BTN3A3: variants seen among roughly 807,000 people sequenced by gnomAD.
BTN3A3 encodes butyrophilin subfamily 3 member A3.
In BTN3A3, 39 loss-of-function variants were observed where a neutral mutation model predicts 43.2. The ratio of observed to expected loss-of-function variants is 0.90; its 90% confidence interval spans 0.70 to 1.18. BTN3A3 has a LOEUF of 1.18. Among genes scored for constraint, BTN3A3 ranks in the 50% most tolerant of loss-of-function variants. BTN3A3 has a pLI of 0.00. For synonymous variants in BTN3A3, 255 were observed against 272.7 expected (o/e 0.93, Z 0.64); for missense variants, 631 against 722.8 (o/e 0.87, Z 1.46).
chr6:26,452,294 GC>G lies in BTN3A3; in HGVS notation c.1640del (p.Pro547LeufsTer5). 6.2e-7 allele frequency: 1 copy of G among 1,614,038 alleles called. No homozygotes were observed. The highest frequency in any genetic ancestry group is 8.5e-7 in the Non-Finnish European group (1 of 1,180,020). On this transcript the variant is annotated frameshift_variant, in exon 11 of 11. Coordinates refer to ENST00000244519, the MANE Select transcript of BTN3A3 (RefSeq NM_006994.5). LOFTEE classifies it low-confidence loss of function (END_TRUNC). ...TPGLANESGE[P>X]QAEVTSLLLP... ...CGGGCTTAGCTAATGAAAGTGGGGA[GC>G]CTCAGGCTGAAGTAACATCTCTGCT...
Position 26,452,591 on chromosome 6 carries a change from A to C in BTN3A3, c.*180A>C. ...TAACTAACATTAACAGAGAATTTAA[A>C]ATGTTCTTAGTGCTGTGTTATAAGC... On this transcript the variant is annotated 3_prime_UTR_variant, in exon 11 of 11. Transcript: ENST00000244519. 1.6e-6 allele frequency: 1 copy of C among 612,054 alleles called. No individual in the cohort carries two copies. Among genetic ancestry groups the C allele is most frequent in the Admixed American group, 3.2e-5 (1 of 31,252 alleles). The allele number at this position is 612,054 out of a possible 1,614,324, so 37.9% of individuals were successfully genotyped here. A position where few individuals can be genotyped will look rare whatever the true frequency, so the allele number is the denominator to read the frequency against.
intron 4 of BTN3A3, chr6:26,444,540 T>C: frequency 1.5e-6 from 1 of 666,072 alleles, no homozygotes; most frequent in Non-Finnish European, 2.5e-6. Flanking sequence ...CAACCAGAGA[T>C]ATAAGGGAAA....
At chr6:26,451,607 G>A (rs1261047131) in intron 10 of BTN3A3, 68 bp from the exon 11 acceptor site, 1 of 1,556,986 alleles carries the variant, frequency 6.4e-7, no homozygotes, top group African/African-American at 1.4e-5. Flanking sequence ...TCCAGGCCTT[G>A]CATGCTGAGG....
At chr6:26,444,503 C>A in intron 4 of BTN3A3, 199 bp downstream of exon 4, 2 of 849,568 alleles carry the variant, frequency 2.4e-6, no homozygotes, top group Non-Finnish European at 3.6e-6. Flanking sequence ...ACCTTACATG[C>A]CGAAGTAAAC....
intron 3 of BTN3A3, 113 bp downstream of exon 3, chr6:26,443,772 C>T: frequency 6.7e-7 from 1 of 1,486,660 alleles, no homozygotes; most frequent in Admixed American, 1.9e-5. Context: ...TTAACTCATT[C>T]CCATACCTGG....
intron 9 of BTN3A3, among the ~76,000 whole-genome samples, chr6:26,449,896 A>G (rs770961596): frequency 2.2e-4 from 34 of 152,102 alleles, no homozygotes; most frequent in Non-Finnish European, 2.2e-4. Flanking sequence ...AAGCATAACC[A>G]TGCAGCCTGC....
Position 26,445,972 on chromosome 6 carries a change from C to T in BTN3A3, c.702C>T (p.Ser234=), listed in dbSNP as rs202187130. ...NSLLGLEKTA[S]ISIADPFFRS... ...TCCTCGGCCTGGAAAAGACAGCCAG[C>T]ATATCCATCGCAGGTCAGTACCCTG... is the stretch of plus-strand genomic sequence containing the variant. Residue 234 remains serine (S), a synonymous_variant, in exon 5 of 11, where the codon AGC becomes AGT. Transcript: ENST00000244519. The T allele has an allele frequency of 9.9e-6, 16 of 1,614,190 alleles. No individual in the cohort carries two copies. The East Asian group carries it at 3.1e-4, about 31-fold the overall frequency.
intron 5 of BTN3A3, among the ~76,000 whole-genome samples, chr6:26,447,297 T>G (rs958239754): frequency 6.6e-6 from 1 of 152,232 alleles, no homozygotes; most frequent in African/African-American, 2.4e-5. Context: ...AGTTCTTGAT[T>G]CTGTTATTTA....
Position 26,449,656 on chromosome 6 carries a change from T to C in BTN3A3, c.965-6T>C. On this transcript the variant is annotated splice_polypyrimidine_tract_variant and splice_region_variant and intron_variant, in intron 8 of 10. Transcript: ENST00000244519. The stretch of plus-strand genomic sequence containing the variant: ...AGGTGACACCTCTATCTTTCTTTCA[T>C]TGTAGGTGGAGAGAAGTCTTTGGCC... The C allele has an allele frequency of 6.2e-7, 1 of 1,614,150 alleles. No individual in the cohort carries two copies. Among genetic ancestry groups the C allele is most frequent in the Non-Finnish European group, 8.5e-7 (1 of 1,180,000 alleles).
chr6:26,442,692 C>T (rs1012055922), intron 1 of BTN3A3, among the ~76,000 whole-genome samples: 4 of 152,230 alleles, frequency 2.6e-5, no homozygotes, highest in Non-Finnish European at 2.9e-5. Flanking sequence ...AACAGTGCTG[C>T]AGTGTCATTC....
chr6:26,445,548 C>T (rs533758399), intron 4 of BTN3A3, 156 bp from the exon 5 acceptor site: 20 of 897,026 alleles, frequency 2.2e-5, no homozygotes, highest in Middle Eastern at 3.0e-4. Flanking sequence ...TGCACTAGCC[C>T]ATTTAGTTTT....
chr6:26,441,738 C>G (rs937939419), intron 1 of BTN3A3, among the ~76,000 whole-genome samples: 9 of 152,052 alleles, frequency 5.9e-5, no homozygotes, highest in African/African-American at 2.2e-4. Context: ...CATTATGTTA[C>G]CCAGGCTGTT....
intron 8 of BTN3A3, chr6:26,449,460 C>T (rs1581657755): frequency 1.6e-6 from 1 of 614,378 alleles, no homozygotes; most frequent in Non-Finnish European, 2.9e-6. Context: ...ACAGTGACTG[C>T]CCTGCCACTA....
chr6:26,446,751 G>T (rs767363096), intron 5 of BTN3A3, among the ~76,000 whole-genome samples: 4 of 152,064 alleles, frequency 2.6e-5, no homozygotes, highest in Non-Finnish European at 5.9e-5. Flanking sequence ...TTTTTTGAGA[G>T]GGAGTCTCAC....
intron 5 of BTN3A3, among the ~76,000 whole-genome samples, chr6:26,447,448 C>T (rs371456939): frequency 1.1e-4 from 16 of 151,380 alleles, no homozygotes; most frequent in African/African-American, 3.2e-4. Context: ...CTGCAAGCCC[C>T]GCTTCCTGGG....
intron 5 of BTN3A3, 112 bp from the exon 6 acceptor site, chr6:26,448,136 A>C: frequency 8.0e-7 from 1 of 1,249,018 alleles, no homozygotes; most frequent in South Asian, 1.5e-5. Flanking sequence ...ATTTAACCTC[A>C]TGAGATGGAT....
Position 26,448,368 on chromosome 6 carries a change from C to T in BTN3A3, c.836C>T (p.Ala279Val). The T allele has an allele frequency of 6.2e-7, 1 of 1,613,874 alleles. No individual in the cohort carries two copies. The highest frequency in any genetic ancestry group is 8.5e-7 in the Non-Finnish European group (1 of 1,179,970). The change falls in exon 6 of 11, where the codon GCT (alanine) becomes GTT (valine). Residue 279 changes from alanine (A) to valine (V), a missense_variant. By Grantham distance (64) the Ala-to-Val change is moderately conservative. Coordinates refer to ENST00000244519, the MANE Select transcript of BTN3A3 (RefSeq NM_006994.5). ...TGGAGACAACAGAAGGAAAAAATTG[C>T]TCTGTCCAGGGAGACAGAAAGAGAG... is the stretch of plus-strand genomic sequence containing the variant. Reference protein sequence around the residue: ...FLWRQQKEKIALSRETERERE... With the variant: ...FLWRQQKEKIVLSRETERERE...
intron 10 of BTN3A3, 67 bp from the exon 11 acceptor site, chr6:26,451,608 C>T: frequency 6.4e-7 from 1 of 1,557,178 alleles, no homozygotes; most frequent in Non-Finnish European, 8.7e-7. Context: ...CCAGGCCTTG[C>T]ATGCTGAGGC....
intron 4 of BTN3A3, 91 bp from the exon 5 acceptor site, chr6:26,445,613 A>G (rs1348808465): frequency 6.9e-7 from 1 of 1,449,766 alleles, no homozygotes; most frequent in Non-Finnish European, 9.4e-7. Flanking sequence ...TCTTCCTTGG[A>G]TTATCAAATG....
Sources: gnomAD v4.1 joint callset for allele counts (sites outside exome capture counted in the v4.1 genomes callset) on GRCh38, gnomAD v4.1.1 for gene constraint, MANE v1.5 for transcripts, NCBI Gene and HGNC (gene_info 2026-07-23, HGNC 2026-07-21) for gene names.